The following NARF variants were observed in gnomAD, a reference collection of about 807,000 sequenced individuals.
NARF encodes the protein nuclear prelamin A recognition factor.
In NARF, 41 loss-of-function variants were observed where a neutral mutation model predicts 48.0. The observed-to-expected ratio is 0.85, with a 90% confidence interval of 0.66 to 1.11. NARF has a LOEUF of 1.11. NARF is among the 50% of genes least tolerant of loss of function. NARF has a pLI of 0.00. For synonymous variants in NARF, 215 were observed against 225.5 expected (o/e 0.95, Z 0.42); for missense variants, 613 against 590.2 (o/e 1.04, Z -0.40).
chr17:82,467,171 T>A (rs752377790), intron 3 of NARF, among the ~76,000 whole-genome samples: 2 of 151,768 alleles, frequency 1.3e-5, no homozygotes, highest in Non-Finnish European at 2.9e-5. Flanking sequence ...CTCAGCCCCC[T>A]GAGTATCTGG....
chr17:82,484,767 G>A, intron 8 of NARF, 46 bp from the exon 9 acceptor site: 3 of 1,538,994 alleles, frequency 1.9e-6, no homozygotes, highest in Non-Finnish European at 2.6e-6. Context: ...TTCTGTCACT[G>A]TACGTCAGCA....
intron 7 of NARF, chr17:82,482,287 C>A: frequency 2.4e-6 from 1 of 413,454 alleles, no homozygotes; most frequent in Non-Finnish European, 4.8e-6. Flanking sequence ...AAGGTCCCCA[C>A]CCCATAGGCA....
chr17:82,466,235 A>G (rs569812613), intron 3 of NARF, among the ~76,000 whole-genome samples: 4 of 152,202 alleles, frequency 2.6e-5, no homozygotes, highest in African/African-American at 4.8e-5. Context: ...GATAGGGGCA[A>G]ACAGCTGTGT....
upstream of NARF, chr17:82,458,727 C>T: frequency 1.4e-6 from 2 of 1,434,710 alleles, no homozygotes; most frequent in South Asian, 1.5e-5. Flanking sequence ...GGGCCGCGGG[C>T]GGCGGGCAGT....
rs954667108 is a variant in NARF, at chr17:82,478,852, C to A, written c.573C>A (p.Leu191=). Residue 191 remains leucine (L), a synonymous_variant, in exon 6 of 11, where the codon CTC becomes CTA. Coordinates refer to ENST00000309794, the MANE Select transcript of NARF (RefSeq NM_012336.4). ...TGGGTCGCCCCATCACTGCCCACCT[C>A]TGCACCGCCAAGTCCCCCCAGCAGG... is the stretch of plus-strand genomic sequence containing the variant. ...RVLGRPITAH[L]CTAKSPQQVM... 1 of 1,613,966 alleles carries A rather than the reference C, an allele frequency of 6.2e-7. No homozygotes were observed. Among genetic ancestry groups the A allele is most frequent in the African/African-American group, 1.3e-5 (1 of 74,944 alleles).
In NARF at chr17:82,468,884, C is replaced by T. The variant is rs1179520639; in HGVS notation, c.373C>T (p.Leu125Phe). The change falls in exon 4 of 11, where the codon CTC becomes TTC. Residue 125 changes from leucine (L) to phenylalanine (F), a missense_variant. Coordinates refer to ENST00000309794, the MANE Select transcript of NARF (RefSeq NM_012336.4). ...TGCATCCAGAAGACTCTGTGGTTTC[C>T]TCAAAAGTCTTGGTGAGTCATCTTT... is the stretch of plus-strand genomic sequence containing the variant. ...TDASRRLCGF[L>F]KSLGVHYVFD... 6.2e-7 allele frequency: 1 copy of T among 1,613,454 alleles called. No individual in the cohort carries two copies. The highest frequency in any genetic ancestry group is 2.2e-5 in the East Asian group (1 of 44,884).
Position 82,487,326 on chromosome 17 carries a change from A to T in NARF, c.1130-590A>T, listed in dbSNP as rs533411597. ...TGGTAAAACCCTGTCTCTACTAAAA[A>T]TACAAAAATTAGCCGGGCGTGGTGG... On this transcript the variant is annotated intron_variant, in intron 10 of 10. Coordinates refer to ENST00000309794, the MANE Select transcript of NARF (RefSeq NM_012336.4). Among the ~76,000 whole-genome samples the T allele has an allele frequency of 2.0e-5, 3 of 152,212 alleles. No homozygotes were observed. In the East Asian group the frequency reaches 5.8e-4, roughly 29 times the overall value.
chr17:82,482,097 T>C, intron 7 of NARF: 1 of 299,460 alleles, frequency 3.3e-6, no homozygotes, highest in Non-Finnish European at 6.6e-6. Flanking sequence ...GGGGGAAGCT[T>C]AAGACTTTGT....
rs538919020 is a variant in NARF, at chr17:82,487,897, A to G, written c.1130-19A>G. ...GATCGCCTGAGCCCAGGATAAACTT[A>G]CCTGTGTTTATCTTTCAGGATGCTT... On this transcript the variant is annotated intron_variant, in intron 10 of 10. Transcript: ENST00000309794. 1.9e-6 allele frequency: 3 copies of G among 1,613,310 alleles called. No homozygotes were observed. The highest frequency in any genetic ancestry group is 2.2e-5 in the South Asian group (2 of 91,068).
intron 4 of NARF, among the ~76,000 whole-genome samples, chr17:82,471,472 T>C (rs1447888598): frequency 7.7e-6 from 1 of 130,250 alleles, no homozygotes; most frequent in East Asian, 2.4e-4. Context: ...AAAAAAAAAA[T>C]TCAGTATAAA....
chr17:82,477,444 C>G (rs2043858524), intron 5 of NARF, among the ~76,000 whole-genome samples: 2 of 151,828 alleles, frequency 1.3e-5, no homozygotes, highest in South Asian at 2.1e-4. Flanking sequence ...CCAGAGGTTA[C>G]AGTGAGCCAA....
chr17:82,478,959 G>A, intron 6 of NARF, 41 bp downstream of exon 6: 1 of 1,581,684 alleles, frequency 6.3e-7, no homozygotes, highest in Non-Finnish European at 8.7e-7. Context: ...GCAGGTGAGG[G>A]AGGACCATGG....
In NARF at chr17:82,464,406, C is replaced by G. The variant is rs1205572900; in HGVS notation, c.228C>G (p.Phe76Leu). 2 of 1,613,860 alleles carry G rather than the reference C, an allele frequency of 1.2e-6. No individual in the cohort carries two copies. Among genetic ancestry groups the G allele is most frequent in the South Asian group, 2.2e-5 (2 of 91,064 alleles). Residue 76 changes from phenylalanine to leucine, a missense_variant, in exon 3 of 11, where the codon TTC becomes TTG. Coordinates refer to ENST00000309794, the MANE Select transcript of NARF (RefSeq NM_012336.4). The part of the protein sequence containing the change: ...VQLSQQNAKD[F>L]FRVLNLNKKC... ...TTTCCCAGCAAAATGCCAAGGACTT[C>G]TTCCGCGTTCTGAACCTTAACAAGG... is the stretch of plus-strand genomic sequence containing the variant.
chr17:82,469,437 G>C (rs994527924), intron 4 of NARF, among the ~76,000 whole-genome samples: 1 of 152,152 alleles, frequency 6.6e-6, no homozygotes, highest in African/African-American at 2.4e-5. Context: ...GATGGATGAT[G>C]CTTCTGCGTC....
rs749959682 is a variant in NARF, at chr17:82,460,139, G to T, written c.108+67G>T. The T allele has an allele frequency of 4.4e-6, 6 of 1,362,796 alleles. No individual in the cohort carries two copies. The South Asian group carries it at 7.1e-5, about 16-fold the overall frequency. The allele number at this position is 1,362,796 out of a possible 1,614,324, so 84.4% of individuals were successfully genotyped here. On this transcript the variant is annotated intron_variant, in intron 2 of 10. Coordinates refer to ENST00000309794, the MANE Select transcript of NARF (RefSeq NM_012336.4). ...ACTGCTGCTGTTTTTCTCTTTGGGGGCTCACAGCACCGTGCACATCACTGC... is the reference window on the plus strand; with the variant it reads ...ACTGCTGCTGTTTTTCTCTTTGGGGTCTCACAGCACCGTGCACATCACTGC...
rs2043390827 is a variant in NARF, at chr17:82,459,887, A to G, written c.28-105A>G. The G allele has an allele frequency of 1.4e-5, 12 of 881,684 alleles. No homozygotes were observed. The Admixed American group carries it at 2.6e-4, about 19-fold the overall frequency. The allele number at this position is 881,684 out of a possible 1,614,324, so 54.6% of individuals were successfully genotyped here. On this transcript the variant is annotated intron_variant, in intron 1 of 10. Coordinates refer to ENST00000309794, the MANE Select transcript of NARF (RefSeq NM_012336.4). ...GTCTAAAAAAATAAATAAATAAACT[A>G]AAAGAAAGGATAGAAATACATGAGC...
chr17:82,478,724 T>C, intron 5 of NARF, 76 bp from the exon 6 acceptor site: 4 of 1,427,340 alleles, frequency 2.8e-6, no homozygotes, highest in Non-Finnish European at 3.9e-6. Flanking sequence ...GGACTCGAGC[T>C]CAGCATTCCC....
chr17:82,471,769 G>A (rs1233575862), intron 4 of NARF, among the ~76,000 whole-genome samples: 3 of 106,698 alleles, frequency 2.8e-5, no homozygotes, highest in Non-Finnish European at 3.8e-5. Context: ...TCCAGCTTGC[G>A]CGAAAGAGTG....
At chr17:82,481,262 C>A in intron 7 of NARF, 51 bp downstream of exon 7, 1 of 1,603,998 alleles carries the variant, frequency 6.2e-7, no homozygotes. Context: ...CTCCTACTGG[C>A]CAGTACACAC....
Sources: allele counts gnomAD v4.1 joint callset (sites outside exome capture counted in the v4.1 genomes callset), GRCh38; gene constraint gnomAD v4.1.1; transcripts MANE v1.5; gene names NCBI Gene and HGNC (gene_info 2026-07-23, HGNC 2026-07-21).